The following TRPM3 variants were observed in gnomAD, a reference collection of about 807,000 sequenced individuals.
TRPM3 encodes long transient receptor potential channel 3.
TRPM3 carries 77 observed loss-of-function variants against 181.2 expected under a neutral mutation model. The ratio of observed to expected loss-of-function variants is 0.42; its 90% CI spans 0.35 to 0.51. The LOEUF (loss-of-function observed/expected upper bound fraction) is 0.51, where lower values mean the gene tolerates loss of function less well. Ranked by LOEUF, TRPM3 falls within the 20% of genes least tolerant of loss-of-function variation. The pLI is 0.01. For synonymous variants in TRPM3, 745 were observed against 796.4 expected (o/e 0.94, Z 1.09); for missense variants, 1,759 against 2,196.7 (o/e 0.80, Z 3.98).
At chr9:71,136,418 A>C (rs2074770015) in intron 1 of TRPM3, among the ~76,000 whole-genome samples, 1 of 152,162 alleles carries the variant, frequency 6.6e-6, no homozygotes, top group African/African-American at 2.4e-5. Context: ...AGAGGTTGAC[A>C]TGTACCCAGG....
chr9:71,377,455 G>T (rs529264304), intron 1 of TRPM3, among the ~76,000 whole-genome samples: 1 of 152,082 alleles, frequency 6.6e-6, no homozygotes, highest in Non-Finnish European at 1.5e-5. Context: ...CTCTGAAATT[G>T]TTTGCATTCA....
intron 1 of TRPM3, among the ~76,000 whole-genome samples, chr9:70,892,762 T>G (rs1015033856): frequency 2.6e-5 from 4 of 152,178 alleles, no homozygotes; most frequent in African/African-American, 9.7e-5. Flanking sequence ...AATCAATACT[T>G]TAATGTATGT....
chr9:71,351,982 TCTC>T (rs376983472), intron 1 of TRPM3, among the ~76,000 whole-genome samples: 1,565 of 151,492 alleles, frequency 0.01, 34 homozygotes, highest in African/African-American at 0.036. Context: ...TTCACACCAT[TCTC>T]CTGCCTCAGC....
Position 70,546,157 on chromosome 9 carries a change from C to T in TRPM3, c.3707+3385G>A, listed in dbSNP as rs539113570. Among the ~76,000 whole-genome samples the T allele has an allele frequency of 3.8e-4, 58 of 152,292 alleles. No homozygotes were observed. The South Asian group carries it at 0.012, about 31-fold the overall frequency. On this transcript the variant is annotated intron_variant, in intron 25 of 25. Transcript: ENST00000677713. ...GTAAGATGCCAGGATTTTATATGCT[C>T]CACAGTGAATAATTCAGCACCATCC...
intron 20 of TRPM3, among the ~76,000 whole-genome samples, chr9:70,599,372 C>T (rs982038773): frequency 1.7e-4 from 26 of 151,954 alleles, no homozygotes; most frequent in African/African-American, 6.0e-4. Flanking sequence ...ATAAATTATA[C>T]CTCAATTAAA....
intron 1 of TRPM3, among the ~76,000 whole-genome samples, chr9:71,160,529 C>A (rs2134698356): frequency 6.6e-6 from 1 of 152,224 alleles, no homozygotes; most frequent in East Asian, 1.9e-4. Context: ...TTATCCTTCT[C>A]ACTCTTTCTA....
Position 70,935,010 on chromosome 9 carries a change from A to G in TRPM3, c.178-70499T>C, listed in dbSNP as rs186785795. ...CTTAGAGAATAAAATGTAAATTCCTACAAATGCCCTTCATAGTCCAACACT... is the reference window on the plus strand; with the variant it reads ...CTTAGAGAATAAAATGTAAATTCCTGCAAATGCCCTTCATAGTCCAACACT... On this transcript the variant is annotated intron_variant, in intron 1 of 25. Coordinates refer to ENST00000677713, the MANE Select transcript of TRPM3 (RefSeq NM_001366145.2). Among the ~76,000 whole-genome samples, 11 of 152,278 alleles carry G rather than the reference A, an allele frequency of 7.2e-5. No homozygotes were observed. In the East Asian group the frequency reaches 2.1e-3, roughly 29 times the overall value.
At chr9:70,683,542 G>C (rs935363142) in intron 8 of TRPM3, among the ~76,000 whole-genome samples, 3 of 141,106 alleles carry the variant, frequency 2.1e-5, no homozygotes, top group African/African-American at 7.9e-5. Flanking sequence ...TTACAGATGT[G>C]AGCCACCATG....
intron 1 of TRPM3, among the ~76,000 whole-genome samples, chr9:71,088,274 A>C (rs917380799): frequency 6.6e-6 from 1 of 152,110 alleles, no homozygotes; most frequent in African/African-American, 2.4e-5. Flanking sequence ...GGATTTTGGG[A>C]TGGAAGCTGC....
intron 5 of TRPM3, among the ~76,000 whole-genome samples, chr9:70,842,052 C>G (rs62545301): frequency 0.029 from 4,375 of 152,112 alleles, 89 homozygotes; most frequent in Middle Eastern, 0.058. Flanking sequence ...ACATCTGCAT[C>G]TGTACTCCAT....
intron 1 of TRPM3, among the ~76,000 whole-genome samples, chr9:71,159,018 C>A (rs1002704889): frequency 6.6e-6 from 1 of 151,820 alleles, no homozygotes; most frequent in Non-Finnish European, 1.5e-5. Flanking sequence ...ATACCACTGG[C>A]TTTCTTGGGT....
intron 25 of TRPM3, among the ~76,000 whole-genome samples, chr9:70,537,895 C>G (rs2042196077): frequency 6.6e-6 from 1 of 152,140 alleles, no homozygotes; most frequent in Non-Finnish European, 1.5e-5. Flanking sequence ...ATTTTAGAAT[C>G]TAGCTATTTT....
At position 70,620,070 on chromosome 9, in the gene TRPM3, A is replaced by T. The variant is rs2063415960; in HGVS notation, c.2129+6T>A. ...CTGACCAGCCCATTTTGCTGGGCGG[A>T]CCCACCTGGAATTGTGATTCAGCTC... On this transcript the variant is annotated splice_donor_region_variant and intron_variant, in intron 16 of 25. Transcript: ENST00000677713. 6.3e-7 allele frequency: 1 copy of T among 1,598,862 alleles called. No homozygotes were observed. The highest frequency in any genetic ancestry group is 8.6e-7 in the Non-Finnish European group (1 of 1,169,260).
intron 8 of TRPM3, among the ~76,000 whole-genome samples, chr9:70,701,591 TG>T (rs59359840): frequency 0.15 from 23,325 of 152,194 alleles, 2,368 homozygotes; most frequent in East Asian, 0.39. Flanking sequence ...GCATATATTC[TG>T]GGGTAGTTAA....
At chr9:71,389,342 G>A (rs971736853) in intron 1 of TRPM3, among the ~76,000 whole-genome samples, 3 of 151,830 alleles carry the variant, frequency 2.0e-5, no homozygotes, top group Non-Finnish European at 4.4e-5. Flanking sequence ...ACAGATGTTC[G>A]TGTGGATGCG....
At chr9:70,653,413 A>G (rs2059846735) in intron 9 of TRPM3, among the ~76,000 whole-genome samples, 1 of 152,054 alleles carries the variant, frequency 6.6e-6, no homozygotes, top group South Asian at 2.1e-4. Context: ...AGACATCACA[A>G]GCATGTCACG....
chr9:70,861,456 A>G (rs986914970), intron 3 of TRPM3, among the ~76,000 whole-genome samples: 1 of 152,170 alleles, frequency 6.6e-6, no homozygotes, highest in Non-Finnish European at 1.5e-5. Context: ...TGGGCTAATG[A>G]CACGAGGCTT....
intron 21 of TRPM3, among the ~76,000 whole-genome samples, chr9:70,593,253 T>C (rs1455763356): frequency 1.3e-5 from 2 of 152,228 alleles, no homozygotes; most frequent in African/African-American, 4.8e-5. Context: ...ATTTCTTCTA[T>C]AGTTTAGTGG....
intron 1 of TRPM3, among the ~76,000 whole-genome samples, chr9:71,340,513 G>A (rs952172582): frequency 1.2e-4 from 19 of 152,178 alleles, no homozygotes; most frequent in South Asian, 2.1e-4. Context: ...TTTTAAGAAG[G>A]AGAGTTTCCC....
Sources: gnomAD v4.1 joint callset for allele counts (sites outside exome capture counted in the v4.1 genomes callset) on GRCh38, gnomAD v4.1.1 for gene constraint, MANE v1.5 for transcripts, NCBI Gene and HGNC (gene_info 2026-07-23, HGNC 2026-07-21) for gene names.